The following KCNH1 variants were observed in gnomAD, a reference collection of about 807,000 sequenced individuals.
KCNH1 encodes voltage-gated delayed rectifier potassium channel KCNH1.
In KCNH1, 27 loss-of-function variants were observed where a neutral mutation model predicts 69.2. The ratio of observed to expected loss-of-function variants is 0.39; its 90% CI spans 0.29 to 0.54. KCNH1 has a LOEUF of 0.54. Ranked by LOEUF, KCNH1 falls within the 20% of genes least tolerant of loss-of-function variation. KCNH1 has a pLI of 0.68. For missense variants in KCNH1, 798 were observed against 1,261.6 expected, an observed-to-expected ratio of 0.63 and a Z score of 5.57; for synonymous variants, 456 against 487.7, an observed-to-expected ratio of 0.93 and a Z score of 0.86.
chr1:210,949,279 C>T (rs921761445), intron 6 of KCNH1, among the ~76,000 whole-genome samples: 2 of 152,126 alleles, frequency 1.3e-5, no homozygotes, highest in African/African-American at 4.8e-5. Flanking sequence ...GTGTCACAAC[C>T]CTTCTCTCCT....
At chr1:210,982,739 T>C (rs1456261107) in intron 6 of KCNH1, among the ~76,000 whole-genome samples, 4 of 152,204 alleles carry the variant, frequency 2.6e-5, no homozygotes, top group East Asian at 1.9e-4. Context: ...TACGTGTGCA[T>C]GTGTCTTTAT....
chr1:210,740,076 T>C (rs1341244871), intron 10 of KCNH1, among the ~76,000 whole-genome samples: 2 of 152,118 alleles, frequency 1.3e-5, no homozygotes, highest in Non-Finnish European at 2.9e-5. Flanking sequence ...GTAAAGATAG[T>C]AAACCTTCCT....
intron 7 of KCNH1, among the ~76,000 whole-genome samples, chr1:210,852,087 CT>C (rs756022894): frequency 6.6e-6 from 1 of 152,164 alleles, no homozygotes; most frequent in Non-Finnish European, 1.5e-5. Flanking sequence ...AAACAATGTG[CT>C]TAGAAAGAAA....
intron 7 of KCNH1, among the ~76,000 whole-genome samples, chr1:210,880,879 A>C (rs1686478481): frequency 6.6e-6 from 1 of 152,198 alleles, no homozygotes; most frequent in Non-Finnish European, 1.5e-5. Flanking sequence ...AAACTCAAAA[A>C]TAAAAATAAA....
chr1:210,759,583 A>G (rs1193416687), intron 10 of KCNH1, among the ~76,000 whole-genome samples: 1 of 152,148 alleles, frequency 6.6e-6, no homozygotes, highest in African/African-American at 2.4e-5. Flanking sequence ...ACTCTAAGAT[A>G]GGTCCTTTGA....
In KCNH1 at chr1:210,828,943, G is replaced by A. The variant is rs541927666; in HGVS notation, c.1463-24777C>T. ...TATTACTGAAGTATAGCATAAGACC[G>A]CTTCCAGGCTAACAGATTAGAAGAT... On this transcript the variant is annotated intron_variant, in intron 7 of 10. Coordinates refer to ENST00000271751, the MANE Select transcript of KCNH1 (RefSeq NM_172362.3). Among the ~76,000 whole-genome samples the A allele has an allele frequency of 3.3e-5, 5 of 152,294 alleles. No homozygotes were observed. In the East Asian group the frequency reaches 9.6e-4, roughly 29 times the overall value.
intron 2 of KCNH1, among the ~76,000 whole-genome samples, chr1:211,105,684 G>A (rs1391634004): frequency 6.6e-6 from 1 of 152,188 alleles, no homozygotes; most frequent in Non-Finnish European, 1.5e-5. Context: ...TAGCCAATAA[G>A]AAAGGTAAGG....
At chr1:211,100,115 G>A in intron 3 of KCNH1, among the ~76,000 whole-genome samples, 1 of 152,096 alleles carries the variant, frequency 6.6e-6, no homozygotes, top group Non-Finnish European at 1.5e-5. Flanking sequence ...TCCTCCCTCA[G>A]CCTCCAAGTA....
intron 5 of KCNH1, among the ~76,000 whole-genome samples, chr1:211,032,274 T>C (rs1327820814): frequency 2.0e-5 from 3 of 152,070 alleles, no homozygotes; most frequent in South Asian, 2.1e-4. Flanking sequence ...ATACAAACAA[T>C]TGGAAGAACA....
chr1:210,995,878 G>A (rs988851122), intron 6 of KCNH1, among the ~76,000 whole-genome samples: 1 of 152,294 alleles, frequency 6.6e-6, no homozygotes, highest in African/African-American at 2.4e-5. Flanking sequence ...CCAAGTGTAA[G>A]TAATATGCTG....
chr1:210,886,539 G>A (rs902563265), intron 7 of KCNH1, among the ~76,000 whole-genome samples: 1 of 152,074 alleles, frequency 6.6e-6, no homozygotes, highest in African/African-American at 2.4e-5. Context: ...ACTGGATGGA[G>A]AATGAATTTG....
At chr1:211,018,092 TC>T (rs1689523903) in intron 6 of KCNH1, among the ~76,000 whole-genome samples, 1 of 151,938 alleles carries the variant, frequency 6.6e-6, no homozygotes, top group Non-Finnish European at 1.5e-5. Flanking sequence ...ACAAGCTGGC[TC>T]CCCCCTTCAC....
rs192674053 is a variant in KCNH1, at chr1:210,783,445, A to G, written c.1916-7901T>C. Among the ~76,000 whole-genome samples the G allele has an allele frequency of 3.1e-3, 466 of 152,276 alleles. 2 individuals are homozygous for G. The highest frequency in any genetic ancestry group is 2.4e-3 in the Non-Finnish European group (166 of 68,012). On this transcript the variant is annotated intron_variant, in intron 9 of 10. Coordinates refer to ENST00000271751, the MANE Select transcript of KCNH1 (RefSeq NM_172362.3). ...TTCCTCTTATGGTAATGAACCCATG[A>G]CTTTTAGCTAGGCATAATGACAACC...
chr1:210,819,108 C>A (rs575497568), intron 7 of KCNH1, among the ~76,000 whole-genome samples: 1 of 151,704 alleles, frequency 6.6e-6, no homozygotes, highest in Admixed American at 6.6e-5. Context: ...ATAGGCTTAG[C>A]CAAAGATGTG....
intron 6 of KCNH1, among the ~76,000 whole-genome samples, chr1:210,985,044 T>C (rs541443826): frequency 3.3e-5 from 5 of 152,368 alleles, no homozygotes; most frequent in Middle Eastern, 3.4e-3. Context: ...TTTATCCATT[T>C]CTTCTTGATT....
chr1:210,971,918 T>C (rs1466791738), intron 6 of KCNH1, among the ~76,000 whole-genome samples: 1 of 152,134 alleles, frequency 6.6e-6, no homozygotes, highest in South Asian at 2.1e-4. Context: ...GTGCATATAA[T>C]CCATTATTAT....
At chr1:210,888,626 T>G (rs1485864699) in intron 7 of KCNH1, among the ~76,000 whole-genome samples, 4 of 152,236 alleles carry the variant, frequency 2.6e-5, no homozygotes, top group African/African-American at 9.6e-5. Flanking sequence ...CAGGAGCTGG[T>G]TTTTTGAAAA....
chr1:210,946,095 G>A (rs1687953368), intron 6 of KCNH1, among the ~76,000 whole-genome samples: 1 of 152,174 alleles, frequency 6.6e-6, no homozygotes, highest in Admixed American at 6.5e-5. Flanking sequence ...GCACTTCACA[G>A]CTTACAAAAC....
chr1:211,084,854 A>T (rs1010947043), intron 4 of KCNH1, among the ~76,000 whole-genome samples: 6 of 152,246 alleles, frequency 3.9e-5, no homozygotes, highest in African/African-American at 1.4e-4. Flanking sequence ...CATAACTACT[A>T]TGTACCAGGC....
Sources: allele counts gnomAD v4.1 joint callset (sites outside exome capture counted in the v4.1 genomes callset), GRCh38; gene constraint gnomAD v4.1.1; transcripts MANE v1.5; gene names NCBI Gene and HGNC (gene_info 2026-07-23, HGNC 2026-07-21).